Variants in PCDH15 observed in about 807,000 individuals in gnomAD.
PCDH15 encodes the protein protocadherin related 15, also known as protocadherin-15.
Under a neutral mutation model 178.5 loss-of-function variants are expected in PCDH15, and 129 were observed. The ratio of observed to expected loss-of-function variants is 0.72; its 90% CI spans 0.63 to 0.84. PCDH15 has a LOEUF of 0.84. Ranked by LOEUF, PCDH15 falls within the 40% of genes least tolerant of loss-of-function variation. PCDH15 has a pLI of 0.00. For synonymous variants in PCDH15, 800 were observed against 732.0 expected, an observed-to-expected ratio of 1.09 and a Z score of -1.50; for missense variants, 2,230 against 2,099.9, an observed-to-expected ratio of 1.06 and a Z score of -1.21.
At chr10:54,710,539 A>C (rs11004456) in intron 1 of PCDH15, among the ~76,000 whole-genome samples, 18,470 of 151,940 alleles carry the variant, frequency 0.12, 1,251 homozygotes, top group African/African-American at 0.17. Flanking sequence ...CAGAAAATAA[A>C]CACCTCTATA....
intron 3 of PCDH15, among the ~76,000 whole-genome samples, chr10:54,435,298 ACTTTT>A (rs950046320): frequency 1.6e-4 from 25 of 152,120 alleles, no homozygotes; most frequent in African/African-American, 5.5e-4. Flanking sequence ...TTCTCTCTCC[ACTTTT>A]CTTTTTCTTT....
intron 11 of PCDH15, chr10:54,189,509 T>G: frequency 2.0e-6 from 1 of 501,690 alleles, no homozygotes; most frequent in Non-Finnish European, 3.4e-6. Flanking sequence ...ATACAATTTT[T>G]TTATTAGCAT....
chr10:54,116,339 T>C (rs2095112729), intron 15 of PCDH15, among the ~76,000 whole-genome samples: 1 of 152,096 alleles, frequency 6.6e-6, no homozygotes, highest in African/African-American at 2.4e-5. Context: ...ACCACAACTT[T>C]CTTCAGGCCA....
At chr10:55,551,505 C>A (rs1267232052) in intron 2 of PCDH15, among the ~76,000 whole-genome samples, 2 of 151,616 alleles carry the variant, frequency 1.3e-5, no homozygotes, top group African/African-American at 2.4e-5. Flanking sequence ...AGTAATTTGT[C>A]AATTTGAGGA....
intron 2 of PCDH15, among the ~76,000 whole-genome samples, chr10:55,582,622 A>ATTTTTTTTT (rs1266708993): frequency 1.3e-5 from 1 of 74,276 alleles, no homozygotes; most frequent in Non-Finnish European, 2.4e-5. Context: ...ATATATATAT[A>ATTTTTTTTT]TATATATTTT....
At chr10:54,421,826 A>ATATATATACACACACACAC (rs1565230685) in intron 3 of PCDH15, among the ~76,000 whole-genome samples, 4 of 79,742 alleles carry the variant, frequency 5.0e-5, no homozygotes, top group African/African-American at 1.1e-4. Context: ...GTATATATAT[A>ATATATATACACACACACAC]TATATATATA....
intron 2 of PCDH15, among the ~76,000 whole-genome samples, chr10:55,570,121 T>C (rs1589145805): frequency 1.3e-5 from 2 of 152,012 alleles, no homozygotes; most frequent in East Asian, 3.9e-4. Flanking sequence ...TACACCAACA[T>C]TGCATTTTTA....
At chr10:54,179,904 T>C (rs2047822213) in intron 13 of PCDH15, among the ~76,000 whole-genome samples, 1 of 152,216 alleles carries the variant, frequency 6.6e-6, no homozygotes, top group Non-Finnish European at 1.5e-5. Flanking sequence ...AGTATTTAAA[T>C]TGACATCTTC....
At chr10:54,840,650 G>T (rs1953401699) in intron 3 of PCDH15, among the ~76,000 whole-genome samples, 1 of 151,706 alleles carries the variant, frequency 6.6e-6, no homozygotes, top group South Asian at 2.1e-4. Context: ...GTGGCCAAAT[G>T]AATTTCAAAC....
chr10:55,463,971 AAG>A (rs59223623), intron 2 of PCDH15, among the ~76,000 whole-genome samples: 31 of 20,136 alleles, frequency 1.5e-3, no homozygotes, highest in South Asian at 8.3e-3. Context: ...GAAAGAAAGA[AAG>A]AGAAAGAAAG....
chr10:53,810,571 T>G lies in PCDH15; in HGVS notation c.4656A>C (p.Glu1552Asp), dbSNP rs1379003522. The G allele has an allele frequency of 3.7e-6, 6 of 1,612,604 alleles. No homozygotes were observed. Among genetic ancestry groups the G allele is most frequent in the Admixed American group, 1.7e-5 (1 of 59,956 alleles). ...CAGTAATTACCTCTTCCTCCTCATA[T>G]TCTTCCTCAGCTTCACCAACCACCT... ...YGEVVGEAEE[E>D]YEEEEWARKR... The change falls in exon 37 of 38, where the codon GAA becomes GAC. Residue 1552 changes from glutamate to aspartate, a missense_variant. Coordinates refer to ENST00000644397, the MANE Select transcript of PCDH15 (RefSeq NM_001384140.1).
chr10:55,589,546 A>T (rs1193272567), intron 2 of PCDH15, among the ~76,000 whole-genome samples: 1 of 151,948 alleles, frequency 6.6e-6, no homozygotes, highest in African/African-American at 2.4e-5. Flanking sequence ...ATGGGAGAAA[A>T]TTTTCGCAAC....
At position 55,229,492 on chromosome 10, in the gene PCDH15, T is replaced by C. The variant is rs190241622; in HGVS notation, c.-155-62841A>G. On this transcript the variant is annotated intron_variant, in intron 1 of 5. Transcript: ENST00000458638. ...TAAATTGCAAATTTCTCGGTATGTA[T>C]ATATCACATTTTTATGACTCTGTAT... Among the ~76,000 whole-genome samples the C allele has an allele frequency of 4.9e-3, 746 of 152,112 alleles. 6 individuals are homozygous for C. The highest frequency in any genetic ancestry group is 5.7e-3 in the Non-Finnish European group (389 of 67,948).
intron 2 of PCDH15, among the ~76,000 whole-genome samples, chr10:55,122,314 G>A (rs987370340): frequency 1.3e-5 from 2 of 152,160 alleles, no homozygotes; most frequent in Non-Finnish European, 2.9e-5. Flanking sequence ...ATAAGTGTAA[G>A]GAAGTTTAGA....
At chr10:54,881,553 A>T (rs1415723565) in intron 3 of PCDH15, among the ~76,000 whole-genome samples, 1 of 152,032 alleles carries the variant, frequency 6.6e-6, no homozygotes, top group East Asian at 1.9e-4. Context: ...GCTCTTCTAT[A>T]TGTTGCCTCC....
chr10:55,088,329 C>G (rs537093972), intron 2 of PCDH15, among the ~76,000 whole-genome samples: 2 of 151,460 alleles, frequency 1.3e-5, no homozygotes, highest in Non-Finnish European at 2.9e-5. Context: ...AGTGCAGTGG[C>G]GTGATCTTGG....
At chr10:55,293,534 T>C (rs1843064278) in intron 1 of PCDH15, among the ~76,000 whole-genome samples, 1 of 152,222 alleles carries the variant, frequency 6.6e-6, no homozygotes, top group African/African-American at 2.4e-5. Flanking sequence ...GCTTCCCTTA[T>C]AAAACTGAAT....
rs1439080335 is a variant in PCDH15 at position 55,529,741 on chromosome 10, G to GAA, written c.-156+97883_-156+97884insTT. Among the ~76,000 whole-genome samples, 4 of 62,772 alleles carry GAA rather than the reference G, an allele frequency of 6.4e-5. 1 individual carries two copies. The highest frequency in any genetic ancestry group is 2.0e-4 in the Admixed American group (1 of 4,968). The allele number at this position is 62,772 out of a possible 152,430, so 41.2% of individuals were successfully genotyped here. ...TATATATATATGTGTTTGTCTGTGA[G>GAA]TATATATATATATATATATATATAT... On this transcript the variant is annotated intron_variant, in intron 2 of 5. Transcript: ENST00000613346.
intron 2 of PCDH15, among the ~76,000 whole-genome samples, chr10:54,637,401 A>C (rs757133537): frequency 2.6e-5 from 4 of 151,944 alleles, no homozygotes; most frequent in Non-Finnish European, 5.9e-5. Flanking sequence ...ACAGGACTAT[A>C]TCCCTTCTGT....
Sources: gnomAD v4.1 joint callset for allele counts (sites outside exome capture counted in the v4.1 genomes callset) on GRCh38, gnomAD v4.1.1 for gene constraint, MANE v1.5 for transcripts, NCBI Gene and HGNC (gene_info 2026-07-23, HGNC 2026-07-21) for gene names.